Variants in RASAL2 observed in about 807,000 individuals in gnomAD.
RASAL2 encodes the protein ras GTPase-activating protein nGAP.
Under a neutral mutation model 128.9 loss-of-function variants are expected in RASAL2, and 58 were observed. The ratio of observed to expected loss-of-function variants is 0.45; its 90% CI spans 0.36 to 0.56. The LOEUF (loss-of-function observed/expected upper bound fraction) is 0.56, where lower values mean the gene tolerates loss of function less well. Ranked by LOEUF, RASAL2 falls within the 20% of genes least tolerant of loss-of-function variation. The pLI, the probability that RASAL2 is intolerant of heterozygous loss-of-function variation, is 0.00. For missense variants in RASAL2, 1,360 were observed against 1,601.6 expected, an observed-to-expected ratio of 0.85 and a Z score of 2.57; for synonymous variants, 561 against 580.8, an observed-to-expected ratio of 0.97 and a Z score of 0.49.
At chr1:178,391,374 T>G (rs1672896920) in intron 4 of RASAL2, among the ~76,000 whole-genome samples, 1 of 152,206 alleles carries the variant, frequency 6.6e-6, no homozygotes, top group Admixed American at 6.5e-5. Context: ...TGAAGATATG[T>G]GATGTTTATA....
intron 3 of RASAL2, among the ~76,000 whole-genome samples, chr1:178,332,266 C>T (rs914954102): frequency 2.6e-5 from 4 of 151,770 alleles, no homozygotes; most frequent in African/African-American, 4.8e-5. Context: ...TTTGGGAGGC[C>T]GAGGCGGGCA....
At position 178,473,979 on chromosome 1, in the gene RASAL2, C is replaced by T. The variant is rs1359319782; in HGVS notation, c.*740C>T. On this transcript the variant is annotated 3_prime_UTR_variant, in exon 18 of 18. Transcript: ENST00000367649. Reference sequence around the variant, plus strand: ...TCTGTCTACAGCAGATGGGAGTCTTCTCTTTTAGACAGGGGCTTTTTGTTT... The same window carrying T: ...TCTGTCTACAGCAGATGGGAGTCTTTTCTTTTAGACAGGGGCTTTTTGTTT... The T allele has an allele frequency of 6.6e-6, 1 of 152,316 alleles. No individual in the cohort carries two copies. The highest frequency in any genetic ancestry group is 2.4e-5 in the African/African-American group (1 of 41,466). The allele number at this position is 152,316 out of a possible 1,614,324, so 9.4% of individuals were successfully genotyped here.
At position 178,474,585 on chromosome 1, in the gene RASAL2, A is replaced by G. The variant is rs1648542032; in HGVS notation, c.*1346A>G. The G allele has an allele frequency of 6.6e-6, 1 of 152,160 alleles. No homozygotes were observed. The highest frequency in any genetic ancestry group is 1.5e-5 in the Non-Finnish European group (1 of 68,048). The allele number at this position is 152,160 out of a possible 1,614,324, so 9.4% of individuals were successfully genotyped here. ...TTATAGAACAGAAAAAGTCATGGAA[A>G]CGAATTCATTTCCTTTTTTCCAGAG... On this transcript the variant is annotated 3_prime_UTR_variant, in exon 18 of 18. Transcript: ENST00000367649.
intron 1 of RASAL2, among the ~76,000 whole-genome samples, chr1:178,111,156 A>G (rs772295001): frequency 5.9e-5 from 9 of 152,204 alleles, no homozygotes; most frequent in Non-Finnish European, 1.3e-4. Flanking sequence ...ATATTCTACA[A>G]TTGTTTGCCA....
chr1:178,368,585 T>G (rs1671531365), intron 3 of RASAL2, among the ~76,000 whole-genome samples: 1 of 152,126 alleles, frequency 6.6e-6, no homozygotes, highest in Non-Finnish European at 1.5e-5. Flanking sequence ...TGCCAAAATG[T>G]ATGGGATTTT....
rs1250387154 is a variant in RASAL2 at position 178,476,573 on chromosome 1, A to G, written c.*3334A>G. On this transcript the variant is annotated 3_prime_UTR_variant, in exon 18 of 18. Transcript: ENST00000367649. ...AGCTTTTTGCTTTTTTTCATATAGT[A>G]TCAAGTTGGTCAGAATTAGCTTTCT... 1.3e-5 allele frequency: 2 copies of G among 152,176 alleles called. No homozygotes were observed. The highest frequency in any genetic ancestry group is 2.9e-5 in the Non-Finnish European group (2 of 68,028). 9.4% of individuals were successfully genotyped at this position (152,176 alleles called of 1,614,324 possible). A position where few individuals can be genotyped will look rare whatever the true frequency, so the allele number is the denominator to read the frequency against.
At chr1:178,097,893 T>C (rs1420111827) in intron 1 of RASAL2, among the ~76,000 whole-genome samples, 3 of 152,226 alleles carry the variant, frequency 2.0e-5, no homozygotes, top group Admixed American at 1.3e-4. Context: ...ATACGTATAC[T>C]CAGGGTTTTG....
chr1:178,142,359 AT>A (rs1660564765), intron 1 of RASAL2, among the ~76,000 whole-genome samples: 1 of 152,188 alleles, frequency 6.6e-6, no homozygotes, highest in South Asian at 2.1e-4. Flanking sequence ...GGGTGGAAAA[AT>A]TCCTTTCCCT....
chr1:178,212,892 G>A (rs899714898), intron 1 of RASAL2, among the ~76,000 whole-genome samples: 2 of 152,124 alleles, frequency 1.3e-5, no homozygotes, highest in East Asian at 1.9e-4. Flanking sequence ...ATATTTAGGC[G>A]TAATCACCAG....
At chr1:178,193,517 CTT>C (rs1351596923) in intron 1 of RASAL2, among the ~76,000 whole-genome samples, 1 of 152,028 alleles carries the variant, frequency 6.6e-6, no homozygotes, top group Admixed American at 6.6e-5. Context: ...CTTTGTAAAA[CTT>C]AATTCTATTT....
At chr1:178,166,320 A>T (rs1661513178) in intron 1 of RASAL2, among the ~76,000 whole-genome samples, 1 of 152,172 alleles carries the variant, frequency 6.6e-6, no homozygotes, top group Admixed American at 6.6e-5. Context: ...CTATGAAATG[A>T]TAGATATCCT....
chr1:178,211,122 T>G (rs963607), intron 1 of RASAL2, among the ~76,000 whole-genome samples: 38,218 of 152,014 alleles, frequency 0.25, 5,589 homozygotes, highest in African/African-American at 0.41. Context: ...TGAGGACCTC[T>G]TCTAGGTAAC....
At chr1:178,398,506 A>G (rs1673402995) in intron 4 of RASAL2, among the ~76,000 whole-genome samples, 1 of 152,180 alleles carries the variant, frequency 6.6e-6, no homozygotes, top group African/African-American at 2.4e-5. Context: ...GAGATTTCAT[A>G]TTAGAGGAGT....
Position 178,451,726 on chromosome 1 carries a change from C to T in RASAL2, c.1772+11C>T. On this transcript the variant is annotated intron_variant, in intron 10 of 17. Coordinates refer to ENST00000367649, the MANE Select transcript of RASAL2 (RefSeq NM_170692.4). ...CATCAACTCTTACTGGTGAGCTTAT[C>T]TTATCCTCTGCCTTACATTTTTTCA... 1 of 1,610,264 alleles carries T rather than the reference C, an allele frequency of 6.2e-7. No homozygotes were observed. Among genetic ancestry groups the T allele is most frequent in the Admixed American group, 1.7e-5 (1 of 59,222 alleles).
In RASAL2 at chr1:178,094,657, G is replaced by T. The variant is rs372896114; in HGVS notation, c.165G>T (p.Glu55Asp). The part of the protein sequence containing the change: ...AGGMLDRILL[E>D]SVCQQQSWVR... ...GCATGTTGGATCGGATCCTTCTGGA[G>T]TCCGTGTGCCAGCAACAGAGCTGGG... Residue 55 changes from glutamate to aspartate, a missense_variant, in exon 1 of 18, where the codon GAG becomes GAT. Around this residue, in one of 3 missense-constraint regions of RASAL2, gnomAD observed 617 missense variants for 714.2 expected, o/e 0.86. Transcript: ENST00000367649. The T allele has an allele frequency of 8.2e-5, 132 of 1,613,988 alleles. No homozygotes were observed. In the Middle Eastern group the frequency reaches 1.2e-3, roughly 14 times the overall value.
chr1:178,212,648 C>T (rs892568799), intron 1 of RASAL2, among the ~76,000 whole-genome samples: 1 of 151,972 alleles, frequency 6.6e-6, no homozygotes, highest in Non-Finnish European at 1.5e-5. Flanking sequence ...TGCACCACCA[C>T]GCCCAACTAA....
chr1:178,095,230 T>G (rs949101610), intron 1 of RASAL2, among the ~76,000 whole-genome samples: 4 of 152,230 alleles, frequency 2.6e-5, no homozygotes, highest in African/African-American at 9.6e-5. Flanking sequence ...TGTGGATTGT[T>G]TCAGATTACA....
At chr1:178,112,216 T>G (rs1228881330) in intron 1 of RASAL2, among the ~76,000 whole-genome samples, 4 of 152,176 alleles carry the variant, frequency 2.6e-5, no homozygotes, top group Admixed American at 6.5e-5. Context: ...TATCCCTATT[T>G]TCTTTTGCTT....
intron 4 of RASAL2, among the ~76,000 whole-genome samples, chr1:178,400,334 A>G (rs1412281458): frequency 6.6e-6 from 1 of 152,192 alleles, no homozygotes; most frequent in Non-Finnish European, 1.5e-5. Flanking sequence ...ATTTCTGCCC[A>G]GGAAGTCTAC....
Sources: gnomAD v4.1 joint callset for allele counts (sites outside exome capture counted in the v4.1 genomes callset) on GRCh38, gnomAD v4.1.1 for gene constraint, gnomAD v4.1.1 regional missense constraint, MANE v1.5 for transcripts, NCBI Gene and HGNC (gene_info 2026-07-23, HGNC 2026-07-21) for gene names.